MAP2K2: variants seen among roughly 807,000 people sequenced by gnomAD.
The protein encoded by MAP2K2 is dual specificity mitogen-activated protein kinase kinase 2.
In MAP2K2, 24 loss-of-function variants were observed where a neutral mutation model predicts 43.7. That is an observed-to-expected ratio of 0.55 (90% CI 0.40 to 0.77). MAP2K2 has a LOEUF of 0.77. Ranked by LOEUF, MAP2K2 falls within the 30% of genes least tolerant of loss-of-function variation. The probability of loss-of-function intolerance (pLI) is 0.00; values close to 1 mark genes in which losing one functional copy is unlikely to be tolerated. For synonymous variants in MAP2K2, 244 were observed against 239.7 expected (o/e 1.02, Z -0.17); for missense variants, 470 against 566.8 (o/e 0.83, Z 1.73).
In MAP2K2 at chr19:4,094,813, C is replaced by A. The variant is rs954499216; in HGVS notation, c.1047-315G>T. On this transcript the variant is annotated intron_variant, in intron 9 of 10. Coordinates refer to ENST00000262948, the MANE Select transcript of MAP2K2 (RefSeq NM_030662.4). ...TAACTGTCTAATAAAACCCCAGGCC[C>A]GGGGCAACATCGCCGGAGCGCACGC... 7.2e-5 allele frequency: 33 copies of A among 461,410 alleles called. 1 individual carries two copies. The East Asian group carries it at 1.0e-3, about 14-fold the overall frequency. The allele number at this position is 461,410 out of a possible 1,614,324, so 28.6% of individuals were successfully genotyped here. A position where few individuals can be genotyped will look rare whatever the true frequency, so the allele number is the denominator to read the frequency against.
chr19:4,094,632 A>G, intron 9 of MAP2K2, 134 bp from the exon 10 acceptor site: 1 of 821,784 alleles, frequency 1.2e-6, no homozygotes, highest in Non-Finnish European at 2.0e-6. Flanking sequence ...AGAGAGTGGC[A>G]CAGAGTGGCT....
intron 3 of MAP2K2, among the ~76,000 whole-genome samples, chr19:4,107,947 G>A (rs907559697): frequency 1.3e-5 from 2 of 152,172 alleles, no homozygotes; most frequent in African/African-American, 4.8e-5. Flanking sequence ...CGTGGTAAGG[G>A]TGAGCGGTGG....
At chr19:4,110,690 G>A (rs1275729488) in intron 2 of MAP2K2, 35 bp from the exon 3 acceptor site, 4 of 1,600,180 alleles carry the variant, frequency 2.5e-6, no homozygotes, top group Non-Finnish European at 3.4e-6. Context: ...GGCTTGGGGG[G>A]TGCCCGAAAA....
Position 4,107,953 on chromosome 19 carries a change from G to A in MAP2K2, c.450+2556C>T, listed in dbSNP as rs558589146. On this transcript the variant is annotated intron_variant, in intron 3 of 10. Transcript: ENST00000262948. Reference sequence around the variant, plus strand: ...TCCCGAACCCGTGGTAAGGGTGAGCGGTGGGGCCGAGACCTGACCCGGACG... The same window carrying A: ...TCCCGAACCCGTGGTAAGGGTGAGCAGTGGGGCCGAGACCTGACCCGGACG... Among the ~76,000 whole-genome samples the A allele has an allele frequency of 3.9e-5, 6 of 152,260 alleles. No individual in the cohort carries two copies. The South Asian group carries it at 6.2e-4, about 16-fold the overall frequency.
At chr19:4,091,625 T>A (rs2040856034) in intron 10 of MAP2K2, among the ~76,000 whole-genome samples, 1 of 151,828 alleles carries the variant, frequency 6.6e-6, no homozygotes, top group African/African-American at 2.4e-5. Flanking sequence ...AGTGCTGGGA[T>A]TATAGGTGTG....
chr19:4,096,045 A>C (rs2040912694), intron 8 of MAP2K2, among the ~76,000 whole-genome samples: 1 of 152,164 alleles, frequency 6.6e-6, no homozygotes, highest in Admixed American at 6.5e-5. Flanking sequence ...AAAGTGCTGG[A>C]ATTACACACC....
chr19:4,103,739 G>C (rs1599293403), intron 3 of MAP2K2, among the ~76,000 whole-genome samples: 1 of 152,344 alleles, frequency 6.6e-6, no homozygotes, highest in African/African-American at 2.4e-5. Flanking sequence ...AAGGCCGAAG[G>C]CAGTTCTAGA....
chr19:4,097,508 T>C (rs1241827790), intron 7 of MAP2K2, among the ~76,000 whole-genome samples, 165 bp from the exon 8 acceptor site: 2 of 152,128 alleles, frequency 1.3e-5, no homozygotes, highest in Non-Finnish European at 2.9e-5. Context: ...CCTGCCTGAC[T>C]CTGGGTTCCA....
rs1354753386 is a variant in MAP2K2 at position 4,108,079 on chromosome 19, G to A, written c.450+2430C>T. ...GGCAGGCCCTTCCATGGAAACCTAT[G>A]GGCACTCAGGTGAATTCCGAGAGCA... On this transcript the variant is annotated intron_variant, in intron 3 of 10. Transcript: ENST00000262948. Among the ~76,000 whole-genome samples the A allele has an allele frequency of 2.6e-5, 4 of 152,168 alleles. No individual in the cohort carries two copies. In the East Asian group the frequency reaches 7.7e-4, roughly 29 times the overall value.
chr19:4,112,640 G>A (rs370278815), intron 2 of MAP2K2, among the ~76,000 whole-genome samples: 7 of 145,844 alleles, frequency 4.8e-5, no homozygotes, highest in Non-Finnish European at 8.9e-5. Flanking sequence ...CACCTTGACC[G>A]CAGCCCTGGC....
At chr19:4,100,850 G>T in intron 6 of MAP2K2, 169 bp downstream of exon 6, 1 of 773,282 alleles carries the variant, frequency 1.3e-6, no homozygotes, top group Non-Finnish European at 2.1e-6. Flanking sequence ...AGTTGGGAAA[G>T]CCTCGTGGGA....
intron 6 of MAP2K2, chr19:4,100,684 A>G: frequency 2.7e-6 from 1 of 376,630 alleles, no homozygotes; most frequent in Non-Finnish European, 4.9e-6. Context: ...ATAAAAAATA[A>G]AGAGCAAGGG....
intron 3 of MAP2K2, chr19:4,104,633 C>T (rs2041060608): frequency 1.3e-5 from 2 of 152,270 alleles, no homozygotes; most frequent in African/African-American, 4.8e-5. Context: ...CAAACGCAAC[C>T]CTAAAACCCC....
intron 3 of MAP2K2, chr19:4,102,752 C>T (rs1013664863): frequency 2.1e-5 from 27 of 1,294,328 alleles, no homozygotes; most frequent in East Asian, 7.1e-5. Flanking sequence ...GGCTCTGCTC[C>T]GGGCCAGCCC....
intron 1 of MAP2K2, among the ~76,000 whole-genome samples, chr19:4,122,235 C>T (rs1433239431): frequency 1.8e-5 from 1 of 55,858 alleles, no homozygotes; most frequent in Admixed American, 1.4e-4. Context: ...CACCCCATCT[C>T]TCCCCCATAG....
rs766540227 is a variant in MAP2K2 at position 4,099,286 on chromosome 19, G to T, written c.834C>A (p.Ile278=). ...CCCCGTCGACCACGGGCCGGCCAAA[G>T]ATGGCCTCCAGCTCTTTGGCGTCGG... ...PPPDAKELEA[I]FGRPVVDGEE... Residue 278 remains isoleucine, a synonymous_variant, in exon 7 of 11, where the codon ATC becomes ATA. Transcript: ENST00000262948. 1 of 1,607,220 alleles carries T rather than the reference G, an allele frequency of 6.2e-7. No homozygotes were observed. Among genetic ancestry groups the T allele is most frequent in the Admixed American group, 1.7e-5 (1 of 59,110 alleles).
At chr19:4,097,469 G>C (rs988861355) in intron 7 of MAP2K2, 126 bp from the exon 8 acceptor site, 1 of 730,934 alleles carries the variant, frequency 1.4e-6, no homozygotes, top group Non-Finnish European at 2.4e-6. Flanking sequence ...AATTGGAGGC[G>C]GGTGTGCAGA....
chr19:4,094,336 A>T (rs1326549847), intron 10 of MAP2K2, 117 bp downstream of exon 10: 2 of 1,134,382 alleles, frequency 1.8e-6, no homozygotes, highest in Admixed American at 4.0e-5. Context: ...CGGCCTGCCC[A>T]CATCCTGGTC....
chr19:4,106,448 C>T (rs1029255864), intron 3 of MAP2K2, among the ~76,000 whole-genome samples: 10 of 152,150 alleles, frequency 6.6e-5, no homozygotes, highest in Non-Finnish European at 1.0e-4. Context: ...GTCTTGCTGT[C>T]GCCAGGCTGG....
Sources: allele counts gnomAD v4.1 joint callset (sites outside exome capture counted in the v4.1 genomes callset), GRCh38; gene constraint gnomAD v4.1.1; transcripts MANE v1.5; gene names NCBI Gene and HGNC (gene_info 2026-07-23, HGNC 2026-07-21).